Variants in RNF212 observed in about 807,000 individuals in gnomAD.
RNF212 encodes the protein ring finger protein 212.
A neutral mutation model predicts 34.7 loss-of-function variants in RNF212; 33 were observed. The ratio of observed to expected loss-of-function variants is 0.95; its 90% CI spans 0.72 to 1.27. The LOEUF is 1.27. Ranked by LOEUF, RNF212 falls within the 50% of genes most tolerant of loss-of-function variation. RNF212 has a pLI of 0.00. For synonymous variants in RNF212, 140 were observed against 136.1 expected (o/e 1.03, Z -0.20); for missense variants, 377 against 362.2 (o/e 1.04, Z -0.33).
At chr4:1,077,301 T>C (rs549308162) in intron 8 of RNF212, among the ~76,000 whole-genome samples, 2 of 152,344 alleles carry the variant, frequency 1.3e-5, no homozygotes, top group African/African-American at 4.8e-5. Flanking sequence ...GCCCCTCACT[T>C]AGGAACTTTG....
downstream of RNF212, among the ~76,000 whole-genome samples, chr4:1,069,720 G>A (rs1718321649): frequency 6.6e-6 from 1 of 152,214 alleles, no homozygotes; most frequent in Non-Finnish European, 1.5e-5. Flanking sequence ...AGGATGGTCT[G>A]GTCTCCGGAG....
At chr4:1,059,439 C>G (rs760481390) in intron 3 of RNF212, among the ~76,000 whole-genome samples, 1 of 152,156 alleles carries the variant, frequency 6.6e-6, no homozygotes, top group Non-Finnish European at 1.5e-5. Context: ...GACTGCCCTC[C>G]TAGGGACAGC....
chr4:1,068,068 A>G (rs1413513153), downstream of RNF212, among the ~76,000 whole-genome samples: 1 of 152,196 alleles, frequency 6.6e-6, no homozygotes, highest in Non-Finnish European at 1.5e-5. Flanking sequence ...GATTCAATCA[A>G]TATCAAAATC....
intron 2 of RNF212, chr4:1,107,384 C>G (rs1482249661): frequency 6.6e-6 from 1 of 151,682 alleles, no homozygotes; most frequent in Non-Finnish European, 1.5e-5. Context: ...AGGTAAATCA[C>G]AATAACACAC....
chr4:1,104,883 A>G (rs1347539508), intron 2 of RNF212, among the ~76,000 whole-genome samples: 1 of 152,022 alleles, frequency 6.6e-6, no homozygotes, highest in Non-Finnish European at 1.5e-5. Flanking sequence ...CCACCACACC[A>G]AGGGAGGAGG....
At chr4:1,075,300 A>G (rs1333474600) in intron 8 of RNF212, among the ~76,000 whole-genome samples, 2 of 152,234 alleles carry the variant, frequency 1.3e-5, no homozygotes, top group Admixed American at 1.3e-4. Flanking sequence ...TGCGATAAAT[A>G]CCAGAGACTG....
At chr4:1,111,959 C>A in intron 1 of RNF212, among the ~76,000 whole-genome samples, 1 of 152,156 alleles carries the variant, frequency 6.6e-6, no homozygotes, top group South Asian at 2.1e-4. Context: ...TTTGCTAATC[C>A]CACATTTCGG....
chr4:1,058,378 A>C lies in RNF212; in HGVS notation n.163T>G, dbSNP rs2248083. 0.72 allele frequency: 307,224 copies of C among 429,284 alleles called. 116,838 individuals carry two copies. The highest frequency in any genetic ancestry group is 0.94 in the African/African-American group (41,497 of 44,122). The allele number at this position is 429,284 out of a possible 1,614,324, so 26.6% of individuals were successfully genotyped here. On this transcript the variant is annotated non_coding_transcript_exon_variant, in exon 4 of 5. Coordinates refer to the RNF212 transcript ENST00000503206. ...TGTCAGGCCGGGATGCTCGGGGCCC[A>C]GGGAGGAGACGCTGCCTGTGGTGGA...
At chr4:1,093,565 T>C (rs1267134459) in intron 3 of RNF212, 1 of 839,544 alleles carries the variant, frequency 1.2e-6, no homozygotes, top group African/African-American at 3.1e-5. Context: ...GCCGGAAGCC[T>C]GAGAGGCACG....
downstream of RNF212, among the ~76,000 whole-genome samples, chr4:1,070,542 G>A (rs1234184441): frequency 2.2e-5 from 2 of 90,504 alleles, no homozygotes; most frequent in South Asian, 4.0e-4. Flanking sequence ...CAGCGTGGAC[G>A]CCTGGCCTGA....
At chr4:1,109,543 T>C (rs917357682) in intron 1 of RNF212, among the ~76,000 whole-genome samples, 1 of 152,100 alleles carries the variant, frequency 6.6e-6, no homozygotes, top group African/African-American at 2.4e-5. Flanking sequence ...ATCCCTTAAG[T>C]GAGAGGTGGA....
At position 1,072,664 on chromosome 4, in the gene RNF212, A is replaced by T; in HGVS notation, c.*210T>A. 2 of 1,166,410 alleles carry T rather than the reference A, an allele frequency of 1.7e-6. No homozygotes were observed. Among genetic ancestry groups the T allele is most frequent in the Non-Finnish European group, 2.2e-6 (2 of 907,700 alleles). The allele number at this position is 1,166,410 out of a possible 1,614,324, so 72.3% of individuals were successfully genotyped here. On this transcript the variant is annotated 3_prime_UTR_variant, in exon 10 of 10. Coordinates refer to ENST00000433731, the MANE Select transcript of RNF212 (RefSeq NM_001131034.4). Reference sequence around the variant, plus strand: ...GAGAACCTATAAAATAAAAGGGATAATAACAATATATATGAGTACATAAAA... The same window carrying T: ...GAGAACCTATAAAATAAAAGGGATATTAACAATATATATGAGTACATAAAA...
At chr4:1,113,015 A>C (rs1246135930) in intron 1 of RNF212, among the ~76,000 whole-genome samples, 1 of 3,830 alleles carries the variant, frequency 2.6e-4, no homozygotes, top group Non-Finnish European at 4.9e-4. Flanking sequence ...CGCGGCCCCC[A>C]CTCCCCGGTG....
At chr4:1,075,156 T>C (rs1465107810) in intron 8 of RNF212, among the ~76,000 whole-genome samples, 1 of 152,226 alleles carries the variant, frequency 6.6e-6, no homozygotes, top group African/African-American at 2.4e-5. Context: ...CACTGGTTCC[T>C]GCCACATGGG....
intron 2 of RNF212, chr4:1,099,673 C>T (rs1411317612): frequency 1.1e-5 from 5 of 450,658 alleles, no homozygotes; most frequent in Admixed American, 2.4e-5. Context: ...GGGGTGTGTG[C>T]GCCACAATGG....
rs974351579 is a variant in RNF212 at position 1,079,555 on chromosome 4, C to T, written c.510+88G>A. 1.4e-5 allele frequency: 13 copies of T among 904,430 alleles called. No homozygotes were observed. The East Asian group carries it at 2.2e-4, about 15-fold the overall frequency. The allele number at this position is 904,430 out of a possible 1,614,324, so 56.0% of individuals were successfully genotyped here. ...TGTGCAAAGTCTGTCTACTGTTGCA[C>T]GAGAGGTTACGTTTTTCACTACTGA... On this transcript the variant is annotated intron_variant, in intron 8 of 9. Coordinates refer to ENST00000433731, the MANE Select transcript of RNF212 (RefSeq NM_001131034.4).
intron 4 of RNF212, 140 bp downstream of exon 4, chr4:1,090,642 C>A: frequency 1.5e-6 from 1 of 654,484 alleles, no homozygotes; most frequent in East Asian, 2.8e-5. Flanking sequence ...TGACAACGTC[C>A]CCATAGCTGG....
At chr4:1,088,531 A>G (rs1329198789) in intron 4 of RNF212, among the ~76,000 whole-genome samples, 1 of 152,252 alleles carries the variant, frequency 6.6e-6, no homozygotes, top group Non-Finnish European at 1.5e-5. Flanking sequence ...GCGACCATGC[A>G]GTAGAAAAGA....
intron 1 of RNF212, among the ~76,000 whole-genome samples, chr4:1,111,455 C>T (rs1052866657): frequency 4.6e-5 from 7 of 152,148 alleles, no homozygotes; most frequent in Non-Finnish European, 1.0e-4. Flanking sequence ...TGCACCCCAC[C>T]CTGCTGTGCC....
Sources: gnomAD v4.1 joint callset for allele counts (sites outside exome capture counted in the v4.1 genomes callset) on GRCh38, gnomAD v4.1.1 for gene constraint, MANE v1.5 for transcripts, NCBI Gene and HGNC (gene_info 2026-07-23, HGNC 2026-07-21) for gene names.